The following GALNT7 variants were observed in gnomAD, a reference collection of about 807,000 sequenced individuals.
GALNT7 encodes the protein polypeptide N-acetylgalactosaminyltransferase 7.
Under a neutral mutation model 82.1 loss-of-function variants are expected in GALNT7, and 60 were observed. That is an observed-to-expected ratio of 0.73 (90% confidence interval 0.59 to 0.91). The LOEUF (loss-of-function observed/expected upper bound fraction) is 0.91. Ranked by LOEUF, GALNT7 falls within the 40% of genes least tolerant of loss-of-function variation. The probability of loss-of-function intolerance (pLI) is 0.00; values close to 1 mark genes in which losing one functional copy is unlikely to be tolerated. For missense variants in GALNT7, 660 were observed against 804.2 expected (o/e 0.82, Z 2.17); for synonymous variants, 243 against 275.1 (o/e 0.88, Z 1.15).
chr4:173,221,583 T>C (rs1046483747), intron 1 of GALNT7, among the ~76,000 whole-genome samples: 5 of 152,216 alleles, frequency 3.3e-5, no homozygotes, highest in African/African-American at 9.6e-5. Flanking sequence ...AAAACTACAT[T>C]CTAAAATTGT....
chr4:173,195,518 G>A (rs1732748425), intron 1 of GALNT7, among the ~76,000 whole-genome samples: 1 of 152,136 alleles, frequency 6.6e-6, no homozygotes, highest in African/African-American at 2.4e-5. Context: ...AAGGAACAAA[G>A]GTGACATTAA....
intron 2 of GALNT7, among the ~76,000 whole-genome samples, chr4:173,284,658 A>C (rs1436677144): frequency 1.3e-5 from 2 of 152,104 alleles, no homozygotes; most frequent in African/African-American, 2.4e-5. Flanking sequence ...AAAACACTGG[A>C]TATTATGAAA....
At chr4:173,178,063 G>GCGCGCGCA (rs1732126960) in intron 1 of GALNT7, among the ~76,000 whole-genome samples, 1 of 138,752 alleles carries the variant, frequency 7.2e-6, no homozygotes, top group African/African-American at 3.0e-5. Flanking sequence ...GCGCGCACGC[G>GCGCGCGCA]CGTGCGCACA....
At position 173,295,433 on chromosome 4, in the gene GALNT7, G is replaced by A. The variant is rs780727561; in HGVS notation, c.792G>A (p.Leu264=). The stretch of plus-strand genomic sequence containing the variant: ...AAAAACTGGATGAATATATTAAGCT[G>A]TGGAATGGCCTAGTGAAGGTATTTC... The part of the protein sequence containing the change: ...LKEKLDEYIK[L]WNGLVKVFRN... The change falls in exon 4 of 12, where the codon CTG becomes CTA. Residue 264 remains leucine (L), a synonymous_variant. Coordinates refer to ENST00000265000, the MANE Select transcript of GALNT7 (RefSeq NM_017423.3). 6.2e-7 allele frequency: 1 copy of A among 1,600,232 alleles called. No homozygotes were observed. The highest frequency in any genetic ancestry group is 8.6e-7 in the Non-Finnish European group (1 of 1,167,474).
At chr4:173,169,077 C>T (rs967001678) in intron 1 of GALNT7, 116 bp downstream of exon 1, 1 of 964,144 alleles carries the variant, frequency 1.0e-6, no homozygotes, top group Non-Finnish European at 1.5e-6. Flanking sequence ...ACCGCAGCTC[C>T]GCAGGTGGTG....
At chr4:173,169,854 C>T (rs970682079) in intron 1 of GALNT7, among the ~76,000 whole-genome samples, 12 of 152,050 alleles carry the variant, frequency 7.9e-5, no homozygotes, top group African/African-American at 2.9e-4. Context: ...CTTGTGTCGG[C>T]GCCCGGCCGC....
At chr4:173,253,208 A>C (rs1734906376) in intron 2 of GALNT7, among the ~76,000 whole-genome samples, 1 of 152,160 alleles carries the variant, frequency 6.6e-6, no homozygotes, top group South Asian at 2.1e-4. Context: ...TCTCAAAGAA[A>C]AGTAAAAGAT....
chr4:173,169,878 C>T (rs1245954192), intron 1 of GALNT7, among the ~76,000 whole-genome samples: 5 of 152,048 alleles, frequency 3.3e-5, no homozygotes, highest in Non-Finnish European at 7.4e-5. Context: ...GCGCCGGCTG[C>T]CGGCTAGCTC....
At chr4:173,267,123 T>A (rs532864945) in intron 2 of GALNT7, among the ~76,000 whole-genome samples, 67 of 152,226 alleles carry the variant, frequency 4.4e-4, no homozygotes, top group African/African-American at 1.4e-3. Context: ...TTTGAGGTGG[T>A]GCATATCCTA....
chr4:173,245,185 A>G (rs1245641464), intron 1 of GALNT7, among the ~76,000 whole-genome samples: 1 of 150,010 alleles, frequency 6.7e-6, no homozygotes, highest in Non-Finnish European at 1.5e-5. Context: ...GAACACTAAC[A>G]GTTTAAGATT....
chr4:173,312,032 C>T (rs1737404249), intron 8 of GALNT7, among the ~76,000 whole-genome samples: 2 of 152,264 alleles, frequency 1.3e-5, no homozygotes, highest in South Asian at 4.1e-4. Context: ...GATAGCCACA[C>T]TCATTTGTTT....
rs776359741 is a variant in GALNT7, at chr4:173,298,259, A to G, written c.1110A>G (p.Gln370=). The change falls in exon 6 of 12, where the codon CAA becomes CAG. Residue 370 remains glutamine, a synonymous_variant. Coordinates refer to ENST00000265000, the MANE Select transcript of GALNT7 (RefSeq NM_017423.3). ...MLWKRVPLTP[Q]EKRLRKTKTE... is the part of the protein sequence containing the mutation. ...GGAAACGGGTGCCTCTGACCCCTCA[A>G]GAGAAGAGACTGAGAAAGACAAAAA... 3 of 1,594,594 alleles carry G rather than the reference A, an allele frequency of 1.9e-6. No individual in the cohort carries two copies. The highest frequency in any genetic ancestry group is 2.6e-6 in the Non-Finnish European group (3 of 1,174,020).
intron 1 of GALNT7, among the ~76,000 whole-genome samples, chr4:173,224,837 C>T (rs929688735): frequency 2.0e-5 from 3 of 151,474 alleles, no homozygotes; most frequent in African/African-American, 7.3e-5. Context: ...ACGGTGAAAC[C>T]CCGTCTCTAC....
intron 2 of GALNT7, among the ~76,000 whole-genome samples, chr4:173,279,922 G>T: frequency 6.6e-6 from 1 of 151,960 alleles, no homozygotes; most frequent in Non-Finnish European, 1.5e-5. Context: ...TTGCAGTGAG[G>T]CAAGACCATG....
intron 1 of GALNT7, among the ~76,000 whole-genome samples, chr4:173,216,926 T>G (rs1733490726): frequency 6.6e-6 from 1 of 151,082 alleles, no homozygotes; most frequent in Non-Finnish European, 1.5e-5. Flanking sequence ...AGACGAGGTT[T>G]CACCATGTTG....
chr4:173,191,241 G>A (rs960710820), intron 1 of GALNT7, among the ~76,000 whole-genome samples: 1 of 152,078 alleles, frequency 6.6e-6, no homozygotes, highest in African/African-American at 2.4e-5. Flanking sequence ...GGGGGTACTT[G>A]GCTGGCTGGC....
chr4:173,246,639 T>C (rs1205630236), intron 1 of GALNT7, among the ~76,000 whole-genome samples: 2 of 152,208 alleles, frequency 1.3e-5, no homozygotes, highest in African/African-American at 2.4e-5. Context: ...TGACTACTAA[T>C]TTCACGTCTG....
At chr4:173,309,169 C>T (rs947865823) in intron 8 of GALNT7, among the ~76,000 whole-genome samples, 1 of 152,136 alleles carries the variant, frequency 6.6e-6, no homozygotes, top group Non-Finnish European at 1.5e-5. Context: ...CTGAACGGGA[C>T]TGTTTTAGTA....
chr4:173,249,275 C>T (rs1487137606), intron 2 of GALNT7, among the ~76,000 whole-genome samples: 4 of 152,160 alleles, frequency 2.6e-5, no homozygotes, highest in Non-Finnish European at 5.9e-5. Context: ...AAGGTTAATA[C>T]AGCAGGTGCT....
Sources: gnomAD v4.1 joint callset for allele counts (sites outside exome capture counted in the v4.1 genomes callset) on GRCh38, gnomAD v4.1.1 for gene constraint, MANE v1.5 for transcripts, NCBI Gene and HGNC (gene_info 2026-07-23, HGNC 2026-07-21) for gene names.